Variants in JPH1 observed in about 807,000 individuals in gnomAD.
The protein encoded by JPH1 is junctophilin-1.
A neutral mutation model predicts 53.6 loss-of-function variants in JPH1; 12 were observed. The observed-to-expected ratio is 0.22, with a 90% CI of 0.14 to 0.36. The LOEUF (loss-of-function observed/expected upper bound fraction) is 0.36. JPH1 is among the 10% of genes least tolerant of loss of function. The probability of loss-of-function intolerance (pLI) is 1.00; values close to 1 mark genes in which losing one functional copy is unlikely to be tolerated. For missense variants in JPH1, 808 were observed against 905.5 expected, an observed-to-expected ratio of 0.89 and a Z score of 1.38; for synonymous variants, 375 against 363.8, an observed-to-expected ratio of 1.03 and a Z score of -0.35.
chr8:74,295,340 T>C (rs1262088784), intron 2 of JPH1, among the ~76,000 whole-genome samples: 2 of 152,176 alleles, frequency 1.3e-5, no homozygotes, highest in South Asian at 4.1e-4. Context: ...TATAGTTCTT[T>C]GCTATATCAC....
Position 74,315,739 on chromosome 8 carries a change from A to G in JPH1, c.380-119T>C, listed in dbSNP as rs1468344994. 1.3e-5 allele frequency: 13 copies of G among 972,454 alleles called. No homozygotes were observed. In the African/African-American group the frequency reaches 2.0e-4, roughly 15 times the overall value. The allele number at this position is 972,454 out of a possible 1,614,324, so 60.2% of individuals were successfully genotyped here. A position where few individuals can be genotyped will look rare whatever the true frequency, so the allele number is the denominator to read the frequency against. On this transcript the variant is annotated intron_variant, in intron 1 of 5. Coordinates refer to ENST00000342232, the MANE Select transcript of JPH1 (RefSeq NM_020647.4). The surrounding 1 kb of genome is among the most constrained non-coding windows in gnomAD (Gnocchi z 6.3). ...GTCAAATCTGACCCATTTCCAAGTC[A>G]ACCCTGGGGGATACTTTGCATCCAC...
At chr8:74,289,160 G>A (rs770122854) in intron 2 of JPH1, among the ~76,000 whole-genome samples, 12 of 152,172 alleles carry the variant, frequency 7.9e-5, no homozygotes, top group Non-Finnish European at 1.5e-4. Flanking sequence ...GGGAAAGGAC[G>A]TTTTCTATAG....
At chr8:74,241,708 T>TTA (rs1287498533) in intron 4 of JPH1, among the ~76,000 whole-genome samples, 5 of 152,186 alleles carry the variant, frequency 3.3e-5, no homozygotes, top group Non-Finnish European at 7.3e-5. Context: ...CAAAGTTTAA[T>TTA]TATATATATT....
At chr8:74,245,545 A>G (rs904242606) in intron 3 of JPH1, among the ~76,000 whole-genome samples, 7 of 152,246 alleles carry the variant, frequency 4.6e-5, no homozygotes, top group Non-Finnish European at 7.3e-5. Flanking sequence ...GACTACTGTA[A>G]GCATCTGAAA....
rs1212733273 is a variant in JPH1 at position 74,321,254 on chromosome 8, C to A, written c.34G>T (p.Gly12Cys). The change falls in exon 1 of 6, where the codon GGC becomes TGC. Residue 12 changes from glycine (G) to cysteine (C), a missense_variant. By Grantham distance (159) the Gly-to-Cys change is radical. Around this residue, in one of 2 missense-constraint regions of JPH1, gnomAD observed 52 missense variants for 93.6 expected, o/e 0.56. Coordinates refer to ENST00000342232, the MANE Select transcript of JPH1 (RefSeq NM_020647.4). This position sits in a 1 kb window ranked among gnomAD's most constrained non-coding sequence, Gnocchi z 4.3. Reference sequence around the variant, plus strand: ...TCCTCCCAGCCGCCGCAGTAGGTGCCGCCATCGTCGAAGTCGAACCTTCCG... The same window carrying A: ...TCCTCCCAGCCGCCGCAGTAGGTGCAGCCATCGTCGAAGTCGAACCTTCCG... ...TGGRFDFDDG[G>C]TYCGGWEEGK... 4 of 1,600,428 alleles carry A rather than the reference C, an allele frequency of 2.5e-6. No homozygotes were observed. The highest frequency in any genetic ancestry group is 1.3e-5 in the African/African-American group (1 of 74,322).
chr8:74,297,768 A>G (rs1285025833), intron 2 of JPH1, among the ~76,000 whole-genome samples: 1 of 152,248 alleles, frequency 6.6e-6, no homozygotes, highest in Non-Finnish European at 1.5e-5. Context: ...ATTCTTTTAT[A>G]TAAACGTAGT....
rs1808312166 is a variant in JPH1, at chr8:74,321,138, T to C, written c.150A>G (p.Gly50=). 2 of 1,613,330 alleles carry C rather than the reference T, an allele frequency of 1.2e-6. No individual in the cohort carries two copies. The highest frequency in any genetic ancestry group is 2.2e-5 in the South Asian group (2 of 91,002). ...TGTTGCCGCTGGGCCAGGTGTAGCCTCCGACCACCTCGAAGCCGTGCGACC... is the reference window on the plus strand; with the variant it reads ...TGTTGCCGCTGGGCCAGGTGTAGCCCCCGACCACCTCGAAGCCGTGCGACC... The part of the protein sequence containing the change: ...GSWSHGFEVV[G]GYTWPSGNTY... Residue 50 remains glycine, a synonymous_variant, in exon 1 of 6, where the codon GGA becomes GGG. Coordinates refer to ENST00000342232, the MANE Select transcript of JPH1 (RefSeq NM_020647.4). This position sits in a 1 kb window ranked among gnomAD's most constrained non-coding sequence, Gnocchi z 4.3.
chr8:74,309,727 A>G (rs968247594), intron 2 of JPH1, among the ~76,000 whole-genome samples: 6 of 152,232 alleles, frequency 3.9e-5, no homozygotes, highest in African/African-American at 1.2e-4. Context: ...GGAATTAAGG[A>G]GGCAAAAGCT....
chr8:74,243,833 A>G (rs1369678203), intron 4 of JPH1, among the ~76,000 whole-genome samples: 2 of 152,244 alleles, frequency 1.3e-5, no homozygotes, highest in African/African-American at 4.8e-5. Context: ...TGGCTGAATA[A>G]TAAATAAATA....
chr8:74,284,769 A>AT (rs200157164), intron 2 of JPH1, among the ~76,000 whole-genome samples: 9,638 of 120,740 alleles, frequency 0.08, 512 homozygotes, highest in African/African-American at 0.15. Context: ...GCTAAGCTGC[A>AT]TTTTTTTTTT....
At chr8:74,317,486 C>T (rs1378843513) in intron 1 of JPH1, among the ~76,000 whole-genome samples, 4 of 152,180 alleles carry the variant, frequency 2.6e-5, no homozygotes, top group Non-Finnish European at 5.9e-5. Flanking sequence ...CAAATACCGC[C>T]ATCTTAACAG....
rs371404335 is a variant in JPH1 at position 74,259,436 on chromosome 8, C to T, written c.1207G>A (p.Asp403Asn). 4.0e-5 allele frequency: 64 copies of T among 1,613,586 alleles called. No individual in the cohort carries two copies. Among genetic ancestry groups the T allele is most frequent in the South Asian group, 2.4e-4 (22 of 90,992 alleles). The change falls in exon 3 of 6, where the codon GAC becomes AAC. Residue 403 changes from aspartate to asparagine, a missense_variant. Asp to Asn is a conservative substitution (Grantham distance 23). Coordinates refer to ENST00000342232, the MANE Select transcript of JPH1 (RefSeq NM_020647.4). ...TCCCTGGCCACAGCTCTCGCGATGT[C>T]GCACTCCTGGCGAGCGGCCAGCGCG... ...QAALAARQEC[D>N]IARAVARELS...
intron 3 of JPH1, among the ~76,000 whole-genome samples, chr8:74,249,949 T>C (rs1011202123): frequency 7.9e-5 from 12 of 152,182 alleles, no homozygotes; most frequent in Non-Finnish European, 1.3e-4. Flanking sequence ...TTGGGGATGA[T>C]ACCCAGAGAA....
At chr8:74,290,158 G>C (rs1807281777) in intron 2 of JPH1, among the ~76,000 whole-genome samples, 1 of 152,104 alleles carries the variant, frequency 6.6e-6, no homozygotes, top group Non-Finnish European at 1.5e-5. Context: ...GGACAATCAG[G>C]CAAGAGAAAG....
chr8:74,258,104 G>A (rs1293736418), intron 3 of JPH1, among the ~76,000 whole-genome samples: 2 of 152,204 alleles, frequency 1.3e-5, no homozygotes, highest in East Asian at 3.9e-4. Flanking sequence ...TACCCTGTGG[G>A]TTCCGACAGC....
At chr8:74,296,252 T>C (rs894347951) in intron 2 of JPH1, among the ~76,000 whole-genome samples, 5 of 152,172 alleles carry the variant, frequency 3.3e-5, no homozygotes, top group South Asian at 4.1e-4. Flanking sequence ...ATATAGTATA[T>C]ACTAATAAGC....
At chr8:74,295,004 C>A (rs1417810078) in intron 2 of JPH1, among the ~76,000 whole-genome samples, 1 of 152,222 alleles carries the variant, frequency 6.6e-6, no homozygotes, top group Non-Finnish European at 1.5e-5. Flanking sequence ...TTACCACTAA[C>A]CACACATGCT....
At chr8:74,276,659 T>G (rs1806857422) in intron 2 of JPH1, among the ~76,000 whole-genome samples, 1 of 152,224 alleles carries the variant, frequency 6.6e-6, no homozygotes, top group Non-Finnish European at 1.5e-5. Context: ...CACCAGTTGG[T>G]GAGTGGCGGA....
intron 4 of JPH1, among the ~76,000 whole-genome samples, chr8:74,242,620 A>C (rs1389907342): frequency 6.6e-6 from 1 of 152,228 alleles, no homozygotes; most frequent in Non-Finnish European, 1.5e-5. Context: ...GCCACTTCCT[A>C]ACTCTGAGGA....
Sources: gnomAD v4.1 joint callset for allele counts (sites outside exome capture counted in the v4.1 genomes callset) on GRCh38, gnomAD v4.1.1 for gene constraint, gnomAD v4.1.1 regional missense constraint, Gnocchi (gnomAD v3.1) non-coding constraint, MANE v1.5 for transcripts, NCBI Gene and HGNC (gene_info 2026-07-23, HGNC 2026-07-21) for gene names.